DOCK1: variants seen among roughly 807,000 people sequenced by gnomAD.
The protein encoded by DOCK1 is dedicator of cytokinesis 1.
A neutral mutation model predicts 262.7 loss-of-function variants in DOCK1; 138 were observed. The ratio of observed to expected loss-of-function variants is 0.53; its 90% confidence interval spans 0.46 to 0.61. The LOEUF (loss-of-function observed/expected upper bound fraction) is 0.61. Ranked by LOEUF, DOCK1 falls within the 20% of genes least tolerant of loss-of-function variation. The pLI, the probability that DOCK1 is intolerant of heterozygous loss-of-function variation, is 0.00. For missense variants in DOCK1, 1,908 were observed against 2,370.7 expected, an observed-to-expected ratio of 0.80 and a Z score of 4.05; for synonymous variants, 866 against 867.4, an observed-to-expected ratio of 1.00 and a Z score of 0.03.
intron 23 of DOCK1, among the ~76,000 whole-genome samples, chr10:127,096,097 T>TA (rs1459176802): frequency 6.6e-6 from 1 of 152,232 alleles, no homozygotes; most frequent in African/African-American, 2.4e-5. Flanking sequence ...ACATAAGATG[T>TA]AGGCAGTCCT....
At chr10:126,955,559 C>T (rs1461176730) in intron 1 of DOCK1, among the ~76,000 whole-genome samples, 1 of 152,150 alleles carries the variant, frequency 6.6e-6, no homozygotes, top group African/African-American at 2.4e-5. Context: ...AAGGGTTTGG[C>T]CAGGTGTCAG....
At chr10:127,019,189 G>T (rs1349239991) in intron 13 of DOCK1, among the ~76,000 whole-genome samples, 1 of 152,158 alleles carries the variant, frequency 6.6e-6, no homozygotes, top group African/African-American at 2.4e-5. Context: ...TGGCAGGGTT[G>T]GATGGTCGCT....
intron 48 of DOCK1, among the ~76,000 whole-genome samples, chr10:127,435,927 T>C (rs2069655644): frequency 6.6e-6 from 1 of 152,214 alleles, no homozygotes. Flanking sequence ...CACCTGCCTT[T>C]CTCTGGGTTC....
At chr10:127,045,714 A>G (rs775100309) in intron 21 of DOCK1, among the ~76,000 whole-genome samples, 9 of 152,148 alleles carry the variant, frequency 5.9e-5, no homozygotes, top group Non-Finnish European at 1.2e-4. Flanking sequence ...CTGGAGCCCC[A>G]CTGGACTGAC....
Position 127,451,441 on chromosome 10 carries a change from T to C in DOCK1, c.*14T>C. On this transcript the variant is annotated 3_prime_UTR_variant, in exon 52 of 52. Transcript: ENST00000623213. Reference sequence around the variant, plus strand: ...ATCGTGCAGTGACGTCGCAAGCCTCTCTGGAAAGAGTGTGCTGCCCCTCCC... The same window carrying C: ...ATCGTGCAGTGACGTCGCAAGCCTCCCTGGAAAGAGTGTGCTGCCCCTCCC... 1 of 1,561,668 alleles carries C rather than the reference T, an allele frequency of 6.4e-7. No individual in the cohort carries two copies. Among genetic ancestry groups the C allele is most frequent in the South Asian group, 1.2e-5 (1 of 84,438 alleles).
intron 29 of DOCK1, among the ~76,000 whole-genome samples, chr10:127,261,431 CTG>C (rs1331509615): frequency 1.7e-4 from 18 of 107,026 alleles, no homozygotes; most frequent in Non-Finnish European, 1.5e-4. Context: ...CCATGCTCAT[CTG>C]TGTGTGTACC....
chr10:127,195,328 T>C lies in DOCK1; in HGVS notation c.2848-52680T>C, dbSNP rs189634659. On this transcript the variant is annotated intron_variant, in intron 27 of 51. Coordinates refer to ENST00000623213, the MANE Select transcript of DOCK1 (RefSeq NM_001290223.2). ...TCTTAGGTCTGCAGCGTTGGTTGGT[T>C]TCCCACGCCTGTCCCGGTCTGACTC... 6.6e-5 allele frequency among the ~76,000 whole-genome samples: 10 copies of C among 152,238 alleles called. No homozygotes were observed. The East Asian group carries it at 1.8e-3, about 27-fold the overall frequency.
At chr10:127,335,714 ATTT>A (rs772026364) in intron 29 of DOCK1, among the ~76,000 whole-genome samples, 1 of 134,572 alleles carries the variant, frequency 7.4e-6, no homozygotes, top group Admixed American at 7.5e-5. Context: ...GGCCCAGCTA[ATTT>A]TTTTTTTTTT....
intron 15 of DOCK1, among the ~76,000 whole-genome samples, chr10:127,025,547 A>G (rs1239168679): frequency 1.3e-5 from 2 of 152,064 alleles, no homozygotes; most frequent in African/African-American, 4.8e-5. Flanking sequence ...CCTGGGTTCA[A>G]GCGATTCTCT....
At chr10:127,118,475 A>C (rs1480707995) in intron 25 of DOCK1, among the ~76,000 whole-genome samples, 2 of 152,238 alleles carry the variant, frequency 1.3e-5, no homozygotes, top group Non-Finnish European at 2.9e-5. Context: ...GATACAAAAT[A>C]TCTGCTCCCC....
intron 1 of DOCK1, among the ~76,000 whole-genome samples, chr10:126,919,287 A>T (rs1426001169): frequency 6.6e-6 from 1 of 152,224 alleles, no homozygotes; most frequent in Non-Finnish European, 1.5e-5. Context: ...TATTTTCTTT[A>T]ACATAATTGA....
chr10:127,001,071 T>G (rs2040565720), intron 10 of DOCK1: 2 of 152,316 alleles, frequency 1.3e-5, no homozygotes, highest in South Asian at 2.1e-4. Context: ...TTTTTCATAG[T>G]TTTGGGAAGT....
intron 47 of DOCK1, among the ~76,000 whole-genome samples, chr10:127,432,524 G>A (rs950908729): frequency 1.3e-5 from 2 of 152,120 alleles, no homozygotes; most frequent in African/African-American, 4.8e-5. Context: ...TTGTGCAGCA[G>A]CTGCAGTCCC....
rs2039786419 is a variant in DOCK1, at chr10:126,991,540, T to TG, written c.473+937_473+938insG. Among the ~76,000 whole-genome samples, 3 of 152,044 alleles carry TG rather than the reference T, an allele frequency of 2.0e-5. No individual in the cohort carries two copies. In the East Asian group the frequency reaches 5.8e-4, roughly 29 times the overall value. On this transcript the variant is annotated intron_variant, in intron 6 of 51. Transcript: ENST00000623213. ...AGTGTTTTTTTTTTGTTTGTTTGTT[T>TG]TTTTTTGAGATGGAGTTTCGGCCTT...
In DOCK1 at chr10:126,967,844, C is replaced by T. The variant is rs962381710; in HGVS notation, c.47-2858C>T. Among the ~76,000 whole-genome samples the T allele has an allele frequency of 7.8e-4, 118 of 152,134 alleles. 1 individual carries two copies. The highest frequency in any genetic ancestry group is 7.2e-4 in the Non-Finnish European group (49 of 68,032). On this transcript the variant is annotated intron_variant, in intron 1 of 51. Coordinates refer to ENST00000623213, the MANE Select transcript of DOCK1 (RefSeq NM_001290223.2). The stretch of plus-strand genomic sequence containing the variant: ...TCTTTTTGTTTTTGAGACGGAGTCT[C>T]GCTCTGTTGCCCAGGCTGGAGTGCA...
intron 29 of DOCK1, among the ~76,000 whole-genome samples, chr10:127,302,758 G>GTT (rs1232915340): frequency 2.7e-5 from 4 of 150,220 alleles, no homozygotes; most frequent in Non-Finnish European, 5.9e-5. Context: ...GTGTGTGTGT[G>GTT]TGTGTGTGTG....
At chr10:127,259,283 A>C (rs1022915721) in intron 29 of DOCK1, among the ~76,000 whole-genome samples, 2 of 152,230 alleles carry the variant, frequency 1.3e-5, no homozygotes, top group Non-Finnish European at 2.9e-5. Flanking sequence ...CTCAGTCGTC[A>C]TCTAGAAAAT....
intron 27 of DOCK1, among the ~76,000 whole-genome samples, chr10:127,140,298 T>A (rs2051100031): frequency 6.6e-6 from 1 of 152,178 alleles, no homozygotes; most frequent in South Asian, 2.1e-4. Context: ...ATGACTCGAC[T>A]TTATCTGTCG....
At chr10:126,983,931 C>T (rs190092481) in intron 4 of DOCK1, among the ~76,000 whole-genome samples, 1 of 152,316 alleles carries the variant, frequency 6.6e-6, no homozygotes, top group Admixed American at 6.5e-5. Context: ...AGTGTCTTCT[C>T]ATCCTCTGCC....
Sources: gnomAD v4.1 joint callset for allele counts (sites outside exome capture counted in the v4.1 genomes callset) on GRCh38, gnomAD v4.1.1 for gene constraint, MANE v1.5 for transcripts, NCBI Gene and HGNC (gene_info 2026-07-23, HGNC 2026-07-21) for gene names.